The following TLE2 variants were observed in gnomAD, a reference collection of about 807,000 sequenced individuals.
TLE2 encodes the protein transducin-like enhancer protein 2.
A neutral mutation model predicts 97.2 loss-of-function variants in TLE2; 74 were observed. The ratio of observed to expected loss-of-function variants is 0.76; its 90% confidence interval spans 0.63 to 0.92. The LOEUF (loss-of-function observed/expected upper bound fraction) is 0.92, where lower values mean the gene tolerates loss of function less well. TLE2 is among the 40% of genes least tolerant of loss of function. The pLI, the probability that TLE2 is intolerant of heterozygous loss-of-function variation, is 0.00. For synonymous variants in TLE2, 499 were observed against 432.1 expected, an observed-to-expected ratio of 1.15 and a Z score of -1.92; for missense variants, 1,038 against 1,008.7, an observed-to-expected ratio of 1.03 and a Z score of -0.39.
chr19:3,017,208 G>A (rs1012227824), intron 8 of TLE2, among the ~76,000 whole-genome samples: 2 of 150,020 alleles, frequency 1.3e-5, no homozygotes, highest in Non-Finnish European at 2.9e-5. Flanking sequence ...TGCAATCTCG[G>A]CTCACTGCAA....
At chr19:2,998,045 G>A (rs1170025093) in intron 19 of TLE2, 90 bp from the exon 20 acceptor site, 14 of 860,678 alleles carry the variant, frequency 1.6e-5, no homozygotes, top group South Asian at 7.2e-5. Context: ...AGTCAGGAAC[G>A]GGAGGTCAGG....
intron 10 of TLE2, 114 bp downstream of exon 10, chr19:3,014,456 G>C: frequency 1.9e-6 from 2 of 1,038,202 alleles, no homozygotes; most frequent in Non-Finnish European, 2.6e-6. Context: ...CATCCCAGCT[G>C]TCCCACAGAG....
Position 3,019,834 on chromosome 19 carries a change from C to T in TLE2, c.295-61G>A. On this transcript the variant is annotated intron_variant, in intron 5 of 19. Transcript: ENST00000262953. The surrounding 1 kb of genome is among the most constrained non-coding windows in gnomAD (Gnocchi z 5.1). ...GAGCCCCTGCTCATGCTAGCGGTGC[C>T]CTTGGGGACCTGACCTCTCCCCGCC... 1 of 1,558,760 alleles carries T rather than the reference C, an allele frequency of 6.4e-7. No individual in the cohort carries two copies. Among genetic ancestry groups the T allele is most frequent in the Non-Finnish European group, 8.7e-7 (1 of 1,152,702 alleles).
At chr19:3,002,149 C>A (rs1480572277) in intron 18 of TLE2, among the ~76,000 whole-genome samples, 1 of 152,030 alleles carries the variant, frequency 6.6e-6, no homozygotes, top group Non-Finnish European at 1.5e-5. Context: ...CAGGTATATC[C>A]CAAATACTTC....
chr19:3,039,043 C>CA (rs201422900), intron 1 of TLE2, among the ~76,000 whole-genome samples: 23,532 of 130,802 alleles, frequency 0.18, 4,508 homozygotes, highest in African/African-American at 0.49. Flanking sequence ...AACCACGACT[C>CA]AAAAAAAAAA....
intron 1 of TLE2, among the ~76,000 whole-genome samples, chr19:3,037,895 G>C (rs1352691396): frequency 6.6e-6 from 1 of 152,164 alleles, no homozygotes; most frequent in East Asian, 1.9e-4. Context: ...GCCAAGATGG[G>C]TGGATCACCT....
intron 4 of TLE2, 91 bp from the exon 5 acceptor site, chr19:3,025,173 C>T (rs1260288550): frequency 6.6e-6 from 9 of 1,353,944 alleles, no homozygotes; most frequent in East Asian, 2.6e-5. Flanking sequence ...TTGGCAAAGC[C>T]GAAGGGTTGG....
chr19:3,006,718 C>G, intron 14 of TLE2, 49 bp from the exon 15 acceptor site: 4 of 1,534,602 alleles, frequency 2.6e-6, no homozygotes, highest in Non-Finnish European at 3.5e-6. Context: ...CACGCCCCCG[C>G]ACCCGCACCT....
In TLE2 at chr19:3,019,429, G is replaced by A; in HGVS notation, c.404C>T (p.Pro135Leu). The A allele has an allele frequency of 6.5e-7, 1 of 1,534,800 alleles. No individual in the cohort carries two copies. Among genetic ancestry groups the A allele is most frequent in the Non-Finnish European group, 8.7e-7 (1 of 1,145,804 alleles). Residue 135 changes from proline to leucine, a missense_variant, in exon 7 of 20, where the codon CCT becomes CTT. By Grantham distance (98) the Pro-to-Leu change is moderately conservative. Coordinates refer to ENST00000262953, the MANE Select transcript of TLE2 (RefSeq NM_003260.5). This position sits in a 1 kb window ranked among gnomAD's most constrained non-coding sequence, Gnocchi z 5.1. ...GGCTGGGCGGGGGGTGAGGGGCACA[G>A]GGGGTGCGTGGTGGGACAGCGGCTG... ...QLQPLSHHAP[P>L]VPLTPRPAGL...
upstream of TLE2, among the ~76,000 whole-genome samples, chr19:3,047,164 C>G (rs542175048): frequency 4.8e-3 from 408 of 84,128 alleles, 9 homozygotes; most frequent in African/African-American, 0.019. Context: ...CTCCCCTCCC[C>G]TCCCCCTACC....
chr19:3,033,653 T>C (rs1182998333), upstream of TLE2, among the ~76,000 whole-genome samples: 1 of 152,168 alleles, frequency 6.6e-6, no homozygotes, highest in East Asian at 1.9e-4. Flanking sequence ...GGCTCCTTCT[T>C]GACCTCCATT....
At chr19:3,028,209 C>T in intron 3 of TLE2, 110 bp downstream of exon 3, 2 of 1,175,314 alleles carry the variant, frequency 1.7e-6, no homozygotes, top group Non-Finnish European at 2.5e-6. Flanking sequence ...GCCCAATGTA[C>T]AGACGGGGAA....
rs112201116 is a variant in TLE2 at position 3,005,846 on chromosome 19, G to T, written c.1623C>A (p.Ala541=). 4 of 1,613,954 alleles carry T rather than the reference G, an allele frequency of 2.5e-6. No homozygotes were observed. The South Asian group carries it at 4.4e-5, about 18-fold the overall frequency. The change falls in exon 16 of 20, where the codon GCC becomes GCA. Residue 541 remains alanine (A), a synonymous_variant. Coordinates refer to ENST00000262953, the MANE Select transcript of TLE2 (RefSeq NM_003260.5). ...DLAAPTPRIK[A]ELTSSAPACY... ...AGGCTGGGGCTGAGGAAGTCAGCTC[G>T]GCCTTGATACGGGGGGTGGGCGCCG... is the stretch of plus-strand genomic sequence containing the variant.
intron 19 of TLE2, 76 bp downstream of exon 19, chr19:3,000,571 G>C: frequency 5.1e-6 from 7 of 1,373,694 alleles, no homozygotes; most frequent in Non-Finnish European, 7.0e-6. Context: ...CAGGGACAGG[G>C]GCAATCTCTC....
In TLE2 at chr19:3,009,581, G is replaced by A. The variant is rs773334943; in HGVS notation, c.1134C>T (p.Pro378=). 18 of 1,613,446 alleles carry A rather than the reference G, an allele frequency of 1.1e-5. No individual in the cohort carries two copies. The highest frequency in any genetic ancestry group is 1.5e-5 in the Non-Finnish European group (18 of 1,179,682). ...CGTACACCACAGAGCTGCTGACCTG[G>A]GGGGACAGGTGGAGGCTGACGTAGG... ...PSSYVSLHLS[P]QVSSSVVYGR... Residue 378 remains proline, a synonymous_variant, in exon 13 of 20, where the codon CCC becomes CCT. Transcript: ENST00000262953.
chr19:3,012,020 G>GT (rs1428509301), intron 11 of TLE2, among the ~76,000 whole-genome samples: 1 of 151,898 alleles, frequency 6.6e-6, no homozygotes. Context: ...CAAGGTGGGC[G>GT]GATCACCTGA....
intron 18 of TLE2, among the ~76,000 whole-genome samples, chr19:3,001,666 A>G (rs2089363041): frequency 6.6e-6 from 1 of 151,396 alleles, no homozygotes; most frequent in Non-Finnish European, 1.5e-5. Flanking sequence ...TTGTAGAGAA[A>G]GTCTTGCTAT....
At chr19:3,033,466 T>C (rs984318452), upstream of TLE2, among the ~76,000 whole-genome samples, 2 of 152,060 alleles carry the variant, frequency 1.3e-5, no homozygotes, top group Admixed American at 6.6e-5. Flanking sequence ...CGCACCCGGC[T>C]AATTTTTGTA....
chr19:3,035,575 C>T (rs1339528634), intron 1 of TLE2, among the ~76,000 whole-genome samples: 1 of 152,016 alleles, frequency 6.6e-6, no homozygotes, highest in Non-Finnish European at 1.5e-5. Context: ...TGCGCTGGGA[C>T]CCCGGATTGC....
Sources: gnomAD v4.1 joint callset for allele counts (sites outside exome capture counted in the v4.1 genomes callset) on GRCh38, gnomAD v4.1.1 for gene constraint, Gnocchi (gnomAD v3.1) non-coding constraint, MANE v1.5 for transcripts, NCBI Gene and HGNC (gene_info 2026-07-23, HGNC 2026-07-21) for gene names.